Variants in MAMDC4 observed in about 807,000 individuals in gnomAD.
MAMDC4 encodes the protein MAM domain containing 4.
A neutral mutation model predicts 153.3 loss-of-function variants in MAMDC4; 168 were observed. The ratio of observed to expected loss-of-function variants is 1.10; its 90% CI spans 0.97 to 1.25. MAMDC4 has a LOEUF of 1.25. MAMDC4 is among the 50% of genes most tolerant of loss of function. The probability of loss-of-function intolerance (pLI) is 0.00; values close to 1 mark genes in which losing one functional copy is unlikely to be tolerated. For synonymous variants in MAMDC4, 744 were observed against 651.5 expected (o/e 1.14, Z -2.16); for missense variants, 1,701 against 1,542.8 (o/e 1.10, Z -1.72).
intron 1 of MAMDC4, 89 bp from the exon 2 acceptor site, chr9:136,853,013 T>G: frequency 9.2e-7 from 1 of 1,090,090 alleles, no homozygotes. Context: ...GGACAAAAGA[T>G]GTCCAGTGCT....
intron 16 of MAMDC4, 49 bp from the exon 17 acceptor site, chr9:136,857,116 A>G: frequency 6.2e-7 from 1 of 1,606,590 alleles, no homozygotes; most frequent in Non-Finnish European, 8.5e-7. Flanking sequence ...TCTGACACCC[A>G]TCAAGGCACA....
chr9:136,859,637 C>G, intron 25 of MAMDC4: 1 of 597,892 alleles, frequency 1.7e-6, no homozygotes, highest in Non-Finnish European at 2.9e-6. Context: ...AGGGCAGCCA[C>G]TGACTGCTCT....
chr9:136,856,693 C>T lies in MAMDC4; in HGVS notation c.1721-17C>T. ...GGAGGGGAGAAGGTGTGTGACGCCA[C>T]CTGGCCCCACCCCCAGAGGTCTCCT... is the stretch of plus-strand genomic sequence containing the variant. On this transcript the variant is annotated splice_polypyrimidine_tract_variant and intron_variant, in intron 14 of 26. Coordinates refer to ENST00000317446, the MANE Select transcript of MAMDC4 (RefSeq NM_206920.3). The T allele has an allele frequency of 1.2e-6, 2 of 1,610,838 alleles. No individual in the cohort carries two copies.
At position 136,853,686 on chromosome 9, in the gene MAMDC4, C is replaced by T. The variant is rs1452957825; in HGVS notation, c.454+16C>T. On this transcript the variant is annotated intron_variant, in intron 4 of 26. Coordinates refer to ENST00000317446, the MANE Select transcript of MAMDC4 (RefSeq NM_206920.3). The stretch of plus-strand genomic sequence containing the variant: ...GCCTCTGGAGGTGCACCCTGGACCC[C>T]CAAGGCTCGTGGGGGGTGCCCAAGG... 1.2e-6 allele frequency: 2 copies of T among 1,608,994 alleles called. No individual in the cohort carries two copies. Among genetic ancestry groups the T allele is most frequent in the Non-Finnish European group, 8.5e-7 (1 of 1,178,288 alleles).
chr9:136,855,173 C>T (rs1451293015), intron 10 of MAMDC4, 63 bp downstream of exon 10: 34 of 1,571,640 alleles, frequency 2.2e-5, no homozygotes, highest in Non-Finnish European at 2.8e-5. Context: ...GGGGAACCCA[C>T]AAGGTACCCA....
intron 26 of MAMDC4, 26 bp from the exon 27 acceptor site, chr9:136,860,536 A>T (rs778795419): frequency 1.1e-5 from 17 of 1,605,592 alleles, no homozygotes; most frequent in Non-Finnish European, 1.4e-5. Flanking sequence ...AAGAAAGAAA[A>T]AAAAAGCTCC....
rs555271060 is a variant in MAMDC4 at position 136,859,261 on chromosome 9, T to C, written c.3137T>C (p.Leu1046Pro). ...CAGCCAGCCCTGGGGCCCATTGCCC[T>C]GGATGACGTGGAGTATCTGGCTGGG... The part of the protein sequence containing the change: ...GGQPALGPIA[L>P]DDVEYLAGQH... The change falls in exon 25 of 27, where the codon CTG (leucine) becomes CCG (proline). Residue 1046 changes from leucine to proline, a missense_variant. Transcript: ENST00000317446. The C allele has an allele frequency of 1.9e-6, 3 of 1,612,132 alleles. No individual in the cohort carries two copies. Among genetic ancestry groups the C allele is most frequent in the Admixed American group, 3.3e-5 (2 of 59,958 alleles).
chr9:136,857,204 C>T lies in MAMDC4; in HGVS notation c.2012C>T (p.Thr671Ile). 6.2e-7 allele frequency: 1 copy of T among 1,612,110 alleles called. No homozygotes were observed. Among genetic ancestry groups the T allele is most frequent in the South Asian group, 1.1e-5 (1 of 90,920 alleles). The change falls in exon 17 of 27, where the codon ACA becomes ATA. Residue 671 changes from threonine (T) to isoleucine (I), a missense_variant. Thr to Ile is a moderately conservative substitution (Grantham distance 89, BLOSUM62 -1). Coordinates refer to ENST00000317446, the MANE Select transcript of MAMDC4 (RefSeq NM_206920.3). ...GCCATGAGACGGGAAGGGGAGGAGA[C>T]ACACCTGTGGTCGCGGTCAGGCACC... The part of the protein sequence containing the change: ...RLAMRREGEE[T>I]HLWSRSGTQG...
In MAMDC4 at chr9:136,853,392, G is replaced by A. The variant is rs202127056; in HGVS notation, c.262G>A (p.Asp88Asn). Residue 88 changes from aspartate to asparagine, a missense_variant, in exon 3 of 27, where the codon GAC becomes AAC. By Grantham distance (23) the Asp-to-Asn change is conservative. Transcript: ENST00000317446. ...ISTSGYSWLR[D>N]RAGAALEGPG... Reference sequence around the variant, plus strand: ...TACCTCAGGCTACAGCTGGCTCCGAGACAGGGCAGGGGCCGCACTGGAGGG... The same window carrying A: ...TACCTCAGGCTACAGCTGGCTCCGAAACAGGGCAGGGGCCGCACTGGAGGG... 6.5e-5 allele frequency: 105 copies of A among 1,605,784 alleles called. 1 individual carries two copies. The East Asian group carries it at 2.4e-3, about 36-fold the overall frequency.
At chr9:136,854,432 G>A in intron 7 of MAMDC4, 96 bp downstream of exon 7, 1 of 1,504,794 alleles carries the variant, frequency 6.6e-7, no homozygotes, top group Non-Finnish European at 8.9e-7. Context: ...TTGGATCCTT[G>A]GATGGTCCTT....
rs959421849 is a variant in MAMDC4 at position 136,858,008 on chromosome 9, G to C, written c.2494G>C (p.Gly832Arg). 1 of 1,524,318 alleles carries C rather than the reference G, an allele frequency of 6.6e-7. No homozygotes were observed. Among genetic ancestry groups the C allele is most frequent in the South Asian group, 1.2e-5 (1 of 83,334 alleles). 94.4% of individuals were successfully genotyped at this position (1,524,318 alleles called of 1,614,324 possible). The change falls in exon 20 of 27, where the codon GGG (glycine) becomes CGG (arginine). Residue 832 changes from glycine (G) to arginine (R), a missense_variant. By Grantham distance (125) the Gly-to-Arg change is moderately radical. Transcript: ENST00000317446. Reference sequence around the variant, plus strand: ...CCTGCGGGTCTACCTGGAGGAGCGCGGGAGGCACCAGGTGCTCAGCCTCAG... The same window carrying C: ...CCTGCGGGTCTACCTGGAGGAGCGCCGGAGGCACCAGGTGCTCAGCCTCAG... ...GTLRVYLEER[G>R]RHQVLSLSAH...
Position 136,853,399 on chromosome 9 carries a change from C to T in MAMDC4, c.269C>T (p.Ala90Val). The change falls in exon 3 of 27, where the codon GCA (alanine) becomes GTA (valine). Residue 90 changes from alanine (A) to valine (V), a missense_variant. By Grantham distance (64) the Ala-to-Val change is moderately conservative (BLOSUM62 0). Coordinates refer to ENST00000317446, the MANE Select transcript of MAMDC4 (RefSeq NM_206920.3). Reference sequence around the variant, plus strand: ...GGCTACAGCTGGCTCCGAGACAGGGCAGGGGCCGCACTGGAGGGTCCTGGG... The same window carrying T: ...GGCTACAGCTGGCTCCGAGACAGGGTAGGGGCCGCACTGGAGGGTCCTGGG... ...TSGYSWLRDR[A>V]GAALEGPGPH... 3 of 1,605,086 alleles carry T rather than the reference C, an allele frequency of 1.9e-6. No homozygotes were observed. The highest frequency in any genetic ancestry group is 2.2e-5 in the East Asian group (1 of 44,680).
chr9:136,855,295 T>A lies in MAMDC4; in HGVS notation c.1239T>A (p.Gly413=), dbSNP rs376975797. The A allele has an allele frequency of 2.5e-6, 4 of 1,605,694 alleles. No homozygotes were observed. In the African/African-American group the frequency reaches 5.4e-5, roughly 22 times the overall value. The change falls in exon 11 of 27, where the codon GGT becomes GGA. Residue 413 remains glycine (G), a synonymous_variant. Transcript: ENST00000317446. ...AGACAGGCCCGGGGGGCGTCGTGGGTCTGGACGACCTCATCCTGTCTGACC... is the reference window on the plus strand; with the variant it reads ...AGACAGGCCCGGGGGGCGTCGTGGGACTGGACGACCTCATCCTGTCTGACC... ...AGQTGPGGVV[G]LDDLILSDHC...
In MAMDC4 at chr9:136,859,992, G is replaced by C. The variant is rs747573851; in HGVS notation, c.3300G>C (p.Lys1100Asn). ...TTGGGGGACGGCGCTGGCTGCAGAA[G>C]AAGGGGAGCTGCCCCTTCCAGAGCA... ...LGLGGRRWLQ[K>N]KGSCPFQSNT... Residue 1100 changes from lysine (K) to asparagine (N), a missense_variant, in exon 26 of 27, where the codon AAG becomes AAC. Physicochemically the swap from Lys to Asn is moderately conservative, Grantham distance 94. Transcript: ENST00000317446. The C allele has an allele frequency of 6.2e-7, 1 of 1,612,384 alleles. No homozygotes were observed. The highest frequency in any genetic ancestry group is 8.5e-7 in the Non-Finnish European group (1 of 1,179,748).
At position 136,858,718 on chromosome 9, in the gene MAMDC4, G is replaced by A. The variant is rs1215613471; in HGVS notation, c.2822-1G>A. On this transcript the variant is annotated splice_acceptor_variant, in intron 22 of 26. Coordinates refer to ENST00000317446, the MANE Select transcript of MAMDC4 (RefSeq NM_206920.3). LOFTEE classifies it high-confidence loss of function. ...GGGCATCAGCCTCCTCTTGTTCCCA[G>A]GCCACTTTGCCTTCTTTGAAACTGG... is the stretch of plus-strand genomic sequence containing the variant. The A allele has an allele frequency of 1.2e-6, 2 of 1,611,996 alleles. No homozygotes were observed. The highest frequency in any genetic ancestry group is 1.3e-5 in the African/African-American group (1 of 74,886).
rs762870938 is a variant in MAMDC4 at position 136,859,938 on chromosome 9, A to G, written c.3246A>G (p.Leu1082=). The G allele has an allele frequency of 3.1e-6, 5 of 1,612,918 alleles. No homozygotes were observed. In the South Asian group the frequency reaches 3.3e-5, roughly 11 times the overall value. ...CAGCTGTGGTTGGCAGTGCCCTCCT[A>G]TTGCTCATGCTCCTGGTGCTGCTGG... The part of the protein sequence containing the change: ...SVPAVVGSAL[L]LLMLLVLLGL... Residue 1082 remains leucine (L), a synonymous_variant, in exon 26 of 27, where the codon CTA becomes CTG. Coordinates refer to ENST00000317446, the MANE Select transcript of MAMDC4 (RefSeq NM_206920.3).
chr9:136,854,060 G>T lies in MAMDC4; in HGVS notation c.654G>T (p.Trp218Cys). The change falls in exon 6 of 27, where the codon TGG becomes TGT. Residue 218 changes from tryptophan (W) to cysteine (C), a missense_variant. Trp to Cys is a radical substitution (Grantham distance 215). Coordinates refer to ENST00000317446, the MANE Select transcript of MAMDC4 (RefSeq NM_206920.3). ...GAVALDDLEF[W>C]DCGLPTPQAN... The stretch of plus-strand genomic sequence containing the variant: ...TGGCTCTAGATGACCTAGAGTTCTG[G>T]GACTGTGGTCTGCCCAGTAAGGCAC... The T allele has an allele frequency of 6.2e-7, 1 of 1,612,786 alleles. No homozygotes were observed. Among genetic ancestry groups the T allele is most frequent in the Non-Finnish European group, 8.5e-7 (1 of 1,179,938 alleles).
chr9:136,855,213 G>A (rs369314686), intron 10 of MAMDC4, 41 bp from the exon 11 acceptor site: 7 of 1,578,968 alleles, frequency 4.4e-6, no homozygotes, highest in South Asian at 1.2e-5. Context: ...AGACCCCAGG[G>A]GGAAATAGGC....
intron 25 of MAMDC4, chr9:136,859,638 T>TA (rs1364467264): frequency 8.4e-6 from 5 of 597,746 alleles, no homozygotes; most frequent in Non-Finnish European, 1.5e-5. Context: ...GGGCAGCCAC[T>TA]GACTGCTCTC....
Sources: allele counts gnomAD v4.1 joint callset, GRCh38; gene constraint gnomAD v4.1.1; transcripts MANE v1.5; gene names NCBI Gene and HGNC (gene_info 2026-07-23, HGNC 2026-07-21).